ATP6V1G3: variants seen among roughly 807,000 people sequenced by gnomAD.
ATP6V1G3 encodes V-type proton ATPase subunit G 3.
A neutral mutation model predicts 9.3 loss-of-function variants in ATP6V1G3; 9 were observed. The ratio of observed to expected loss-of-function variants is 0.97; its 90% confidence interval spans 0.59 to 1.69. The LOEUF (loss-of-function observed/expected upper bound fraction) is 1.69, where lower values mean the gene tolerates loss of function less well. Among genes scored for constraint, ATP6V1G3 ranks in the 40% most tolerant of loss-of-function variants. ATP6V1G3 has a pLI of 0.00. For synonymous variants in ATP6V1G3, 43 were observed against 43.8 expected, an observed-to-expected ratio of 0.98 and a Z score of 0.07; for missense variants, 133 against 139.0, an observed-to-expected ratio of 0.96 and a Z score of 0.22.
At chr1:198,533,030 G>T (rs763909235) in intron 1 of ATP6V1G3, among the ~76,000 whole-genome samples, 17 of 152,178 alleles carry the variant, frequency 1.1e-4, no homozygotes, top group Non-Finnish European at 2.2e-4. Flanking sequence ...TCTTGGCTAG[G>T]CACGGTGGCT....
chr1:198,537,730 C>T (rs374066937), intron 1 of ATP6V1G3, among the ~76,000 whole-genome samples: 38 of 152,232 alleles, frequency 2.5e-4, no homozygotes, highest in Middle Eastern at 3.4e-3. Context: ...GTCATTTGTG[C>T]ATTTATCTCA....
At chr1:198,540,759 C>G (rs1234455839), upstream of ATP6V1G3, 2 of 1,152,786 alleles carry the variant, frequency 1.7e-6, no homozygotes, top group African/African-American at 3.0e-5. Context: ...ACAGCAAGTT[C>G]CAAATGCAGC....
At chr1:198,532,568 T>C (rs1329218096) in intron 1 of ATP6V1G3, among the ~76,000 whole-genome samples, 3 of 152,120 alleles carry the variant, frequency 2.0e-5, no homozygotes, top group Admixed American at 1.3e-4. Flanking sequence ...AAGTATATAA[T>C]ATGACAGGGA....
At chr1:198,537,319 A>G (rs1457152055) in intron 1 of ATP6V1G3, among the ~76,000 whole-genome samples, 1 of 152,204 alleles carries the variant, frequency 6.6e-6, no homozygotes, top group Non-Finnish European at 1.5e-5. Context: ...TTTTCAGCAT[A>G]ATATAAAAAT....
chr1:198,540,743 G>T (rs1393327162), upstream of ATP6V1G3: 10 of 1,296,172 alleles, frequency 7.7e-6, no homozygotes, highest in Non-Finnish European at 1.1e-5. Flanking sequence ...TCAGATTATT[G>T]TGTCAACAGC....
chr1:198,536,455 A>G (rs1304684285), intron 1 of ATP6V1G3, among the ~76,000 whole-genome samples: 1 of 152,208 alleles, frequency 6.6e-6, no homozygotes, highest in Non-Finnish European at 1.5e-5. Context: ...TCTTGGACCA[A>G]CACACCCACT....
intron 1 of ATP6V1G3, among the ~76,000 whole-genome samples, chr1:198,530,858 G>A (rs1384722915): frequency 6.6e-6 from 1 of 152,056 alleles, no homozygotes; most frequent in African/African-American, 2.4e-5. Flanking sequence ...AATACAGAAT[G>A]TTAATGTATT....
chr1:198,531,896 T>G (rs1430446572), intron 1 of ATP6V1G3, among the ~76,000 whole-genome samples: 1 of 152,050 alleles, frequency 6.6e-6, no homozygotes, highest in African/African-American at 2.4e-5. Context: ...ACAAAAGTAG[T>G]TGTTTAATTA....
intron 2 of ATP6V1G3, among the ~76,000 whole-genome samples, chr1:198,524,804 T>C (rs1051602033): frequency 1.3e-5 from 2 of 152,234 alleles, no homozygotes; most frequent in Non-Finnish European, 2.9e-5. Flanking sequence ...GACTGTTTTA[T>C]GTTTGTTTGC....
chr1:198,526,098 AATTT>A (rs1341341163), intron 2 of ATP6V1G3, among the ~76,000 whole-genome samples: 2 of 152,096 alleles, frequency 1.3e-5, no homozygotes, highest in African/African-American at 2.4e-5. Flanking sequence ...ATTATTTCTG[AATTT>A]ATTTGATGCC....
In ATP6V1G3 at chr1:198,540,638, A is replaced by C; in HGVS notation, c.13T>G (p.Ser5Ala). The stretch of plus-strand genomic sequence containing the variant: ...TGAAGAAGCTGGTGGATCCCCTGAG[A>C]CTGGCTTGTCATGGTAGTCTGCTCC... The part of the protein sequence containing the change: MTSQ[S>A]QGIHQLLQAE... The change falls in exon 1 of 3, where the codon TCT becomes GCT. Residue 5 changes from serine to alanine, a missense_variant. Ser to Ala is a moderately conservative substitution (Grantham distance 99, BLOSUM62 1). Transcript: ENST00000367382. 6.2e-7 allele frequency: 1 copy of C among 1,613,988 alleles called. No individual in the cohort carries two copies. The highest frequency in any genetic ancestry group is 8.5e-7 in the Non-Finnish European group (1 of 1,179,930).
rs993213516 is a variant in ATP6V1G3 at position 198,523,251 on chromosome 1, G to A, written c.*140C>T. ...ATTTTGTTTTGTTTAATTCAGTGCC[G>A]ATGTATGAGTTATGTCACATTTCCT... On this transcript the variant is annotated 3_prime_UTR_variant, in exon 3 of 3. Coordinates refer to ENST00000367382, the MANE Select transcript of ATP6V1G3 (RefSeq NM_001376861.1). 29 of 787,202 alleles carry A rather than the reference G, an allele frequency of 3.7e-5. No individual in the cohort carries two copies. Among genetic ancestry groups the A allele is most frequent in the Non-Finnish European group, 5.7e-5 (28 of 494,514 alleles). The allele number at this position is 787,202 out of a possible 1,614,324, so 48.8% of individuals were successfully genotyped here.
chr1:198,529,117 C>T lies in ATP6V1G3; in HGVS notation c.147G>A (p.Met49Ile). 6.6e-7 allele frequency: 1 copy of T among 1,504,158 alleles called. No individual in the cohort carries two copies. Among genetic ancestry groups the T allele is most frequent in the South Asian group, 1.3e-5 (1 of 75,570 alleles). The allele number at this position is 1,504,158 out of a possible 1,614,324, so 93.2% of individuals were successfully genotyped here. A position where few individuals can be genotyped will look rare whatever the true frequency, so the allele number is the denominator to read the frequency against. Residue 49 changes from methionine (M) to isoleucine (I), a missense_variant, in exon 2 of 3, where the codon ATG (methionine) becomes ATA (isoleucine). Met to Ile is a conservative substitution (Grantham distance 10). Transcript: ENST00000367382. ...TTAGTCGAAACTCTTTATCTCTCTG[C>T]ATTCTGTACTGGTCAATTTCTACCA... ...EAMVEIDQYR[M>I]QRDKEFRLKQ... is the part of the protein sequence containing the mutation.
At chr1:198,540,334 C>T (rs1660295892) in intron 1 of ATP6V1G3, among the ~76,000 whole-genome samples, 1 of 152,172 alleles carries the variant, frequency 6.6e-6, no homozygotes, top group Non-Finnish European at 1.5e-5. Context: ...TCTCTATAAT[C>T]TTAATGTCCA....
At chr1:198,527,092 A>G (rs1460876929) in intron 2 of ATP6V1G3, among the ~76,000 whole-genome samples, 1 of 152,198 alleles carries the variant, frequency 6.6e-6, no homozygotes, top group Admixed American at 6.5e-5. Context: ...AGTAACATCA[A>G]GATACAACAC....
At chr1:198,538,783 G>A (rs1660222195) in intron 1 of ATP6V1G3, among the ~76,000 whole-genome samples, 1 of 150,942 alleles carries the variant, frequency 6.6e-6, no homozygotes, top group African/African-American at 2.4e-5. Context: ...TGTGTCTGTG[G>A]TCCCAGCTAC....
chr1:198,538,559 A>G (rs1056905237), intron 1 of ATP6V1G3, among the ~76,000 whole-genome samples: 6 of 152,152 alleles, frequency 3.9e-5, no homozygotes, highest in Admixed American at 3.9e-4. Flanking sequence ...TAACTATCAC[A>G]TCTTTAAATT....
chr1:198,536,737 G>A, intron 1 of ATP6V1G3: 2 of 1,594,414 alleles, frequency 1.3e-6, no homozygotes, highest in Non-Finnish European at 8.6e-7. Flanking sequence ...TACAGCAGGG[G>A]TAAAAACAAA....
chr1:198,539,482 G>T (rs967041262), intron 1 of ATP6V1G3, among the ~76,000 whole-genome samples: 6 of 152,102 alleles, frequency 3.9e-5, no homozygotes, highest in Non-Finnish European at 8.8e-5. Flanking sequence ...ATATGAAATG[G>T]GATAGTGAAA....
Sources: allele counts gnomAD v4.1 joint callset (sites outside exome capture counted in the v4.1 genomes callset), GRCh38; gene constraint gnomAD v4.1.1; transcripts MANE v1.5; gene names NCBI Gene and HGNC (gene_info 2026-07-23, HGNC 2026-07-21).